The following MAGI2 variants were observed in gnomAD, a reference collection of about 807,000 sequenced individuals.
The protein encoded by MAGI2 is membrane-associated guanylate kinase, WW and PDZ domain-containing protein 2.
A neutral mutation model predicts 133.3 loss-of-function variants in MAGI2; 35 were observed. The ratio of observed to expected loss-of-function variants is 0.26; its 90% CI spans 0.20 to 0.35. MAGI2 has a LOEUF of 0.35. MAGI2 is among the 10% of genes least tolerant of loss of function. MAGI2 has a pLI of 1.00. For synonymous variants in MAGI2, 729 were observed against 710.6 expected (o/e 1.03, Z -0.41); for missense variants, 1,636 against 1,863.4 (o/e 0.88, Z 2.25).
chr7:78,710,380 T>G (rs1819065507), intron 2 of MAGI2, among the ~76,000 whole-genome samples: 1 of 152,142 alleles, frequency 6.6e-6, no homozygotes, highest in Admixed American at 6.6e-5. Context: ...CAAAGAACCC[T>G]ATGTTTGGGG....
At chr7:78,115,106 C>T (rs1168774177) in intron 20 of MAGI2, among the ~76,000 whole-genome samples, 9 of 152,164 alleles carry the variant, frequency 5.9e-5, no homozygotes, top group African/African-American at 2.2e-4. Context: ...GAGAATAAGA[C>T]TCCTGGAAGG....
chr7:78,839,088 T>C (rs1334484102), intron 2 of MAGI2, among the ~76,000 whole-genome samples: 1 of 151,338 alleles, frequency 6.6e-6, no homozygotes, highest in African/African-American at 2.4e-5. Flanking sequence ...TTAGTGAGGG[T>C]GGAATGGGAG....
intron 3 of MAGI2, among the ~76,000 whole-genome samples, chr7:78,599,162 A>C (rs1359998253): frequency 6.6e-6 from 1 of 152,176 alleles, no homozygotes; most frequent in Non-Finnish European, 1.5e-5. Context: ...ATTTTTAGAA[A>C]TTAACGAATC....
At chr7:79,307,605 T>G (rs1169034923) in intron 1 of MAGI2, among the ~76,000 whole-genome samples, 1 of 152,184 alleles carries the variant, frequency 6.6e-6, no homozygotes, top group Non-Finnish European at 1.5e-5. Context: ...TCACCTTTTT[T>G]GTCAGCAAAA....
intron 1 of MAGI2, among the ~76,000 whole-genome samples, chr7:79,365,888 A>AAAAAAAAC: frequency 6.7e-6 from 1 of 149,878 alleles, no homozygotes; most frequent in Non-Finnish European, 1.5e-5. Context: ...AAAAAAAAAA[A>AAAAAAAAC]AAGTAACAAA....
intron 21 of MAGI2, among the ~76,000 whole-genome samples, chr7:78,074,321 G>A (rs118151472): frequency 0.017 from 2,533 of 152,066 alleles, 34 homozygotes; most frequent in Non-Finnish European, 0.027. Context: ...CTTATCTCTC[G>A]GTCACAGATC....
At chr7:79,021,219 G>T (rs916801079) in intron 1 of MAGI2, among the ~76,000 whole-genome samples, 1 of 152,242 alleles carries the variant, frequency 6.6e-6, no homozygotes, top group Non-Finnish European at 1.5e-5. Context: ...TGCTAGGGCA[G>T]TGCAGAAGGG....
At chr7:78,076,132 A>G (rs1440858777) in intron 21 of MAGI2, among the ~76,000 whole-genome samples, 1 of 152,186 alleles carries the variant, frequency 6.6e-6, no homozygotes, top group Admixed American at 6.5e-5. Flanking sequence ...CAATATTGCT[A>G]CAGTTAACAA....
At chr7:78,369,057 A>C (rs536426225) in intron 7 of MAGI2, 99 bp downstream of exon 7, 92 of 764,708 alleles carry the variant, frequency 1.2e-4, no homozygotes, top group Non-Finnish European at 4.2e-5. Context: ...GATGAAAGGG[A>C]AATGAAGGGG....
chr7:79,219,057 T>C (rs564338279), intron 1 of MAGI2, among the ~76,000 whole-genome samples: 1 of 152,082 alleles, frequency 6.6e-6, no homozygotes, highest in East Asian at 1.9e-4. Flanking sequence ...ACATTACCAA[T>C]AGCATTTTCT....
At chr7:78,586,025 T>C (rs555380195) in intron 3 of MAGI2, among the ~76,000 whole-genome samples, 5 of 152,282 alleles carry the variant, frequency 3.3e-5, no homozygotes, top group African/African-American at 1.2e-4. Flanking sequence ...AGTAGACTCA[T>C]ATACTGGCTG....
chr7:78,369,270 G>C, intron 6 of MAGI2, 57 bp from the exon 7 acceptor site: 1 of 1,222,754 alleles, frequency 8.2e-7, no homozygotes, highest in South Asian at 1.3e-5. Context: ...CTAATAAAAA[G>C]TAATATAATT....
chr7:78,317,024 G>GCTTTA (rs60721994), intron 9 of MAGI2, among the ~76,000 whole-genome samples: 76,179 of 151,552 alleles, frequency 0.5, 21,180 homozygotes, highest in African/African-American at 0.75. Context: ...TGAATTATTT[G>GCTTTA]CTTATTTCCC....
At chr7:79,057,652 G>C (rs10485929) in intron 1 of MAGI2, among the ~76,000 whole-genome samples, 41,559 of 151,982 alleles carry the variant, frequency 0.27, 8,876 homozygotes, top group African/African-American at 0.6. Flanking sequence ...TCGGTCTTGA[G>C]GTATTTCAAT....
chr7:78,189,833 A>G (rs754915692), intron 12 of MAGI2, among the ~76,000 whole-genome samples: 20 of 152,238 alleles, frequency 1.3e-4, no homozygotes, highest in Non-Finnish European at 2.2e-4. Flanking sequence ...AGACTAGCTT[A>G]AAGAAAAGTG....
intron 7 of MAGI2, among the ~76,000 whole-genome samples, chr7:78,355,407 G>A (rs1791967615): frequency 6.6e-6 from 1 of 152,298 alleles, no homozygotes; most frequent in Admixed American, 6.5e-5. Context: ...ATGAATGTCA[G>A]CCTTGTAAAA....
At chr7:78,692,843 C>G (rs2190665) in intron 2 of MAGI2, among the ~76,000 whole-genome samples, 82,307 of 152,064 alleles carry the variant, frequency 0.54, 22,608 homozygotes, top group African/African-American at 0.61. Flanking sequence ...TACTGGAATG[C>G]ATAAGATTAA....
intron 1 of MAGI2, among the ~76,000 whole-genome samples, chr7:79,055,878 C>T (rs1435024603): frequency 6.6e-6 from 1 of 152,082 alleles, no homozygotes; most frequent in Non-Finnish European, 1.5e-5. Context: ...AAGTTACTGC[C>T]ACCTAATGAG....
At chr7:78,435,672 G>T (rs6943660) in intron 6 of MAGI2, among the ~76,000 whole-genome samples, 3,861 of 152,184 alleles carry the variant, frequency 0.025, 62 homozygotes, top group South Asian at 0.074. Flanking sequence ...AGGTCACAGA[G>T]AATCCCGAGA....
Sources: allele counts gnomAD v4.1 joint callset (sites outside exome capture counted in the v4.1 genomes callset), GRCh38; gene constraint gnomAD v4.1.1; transcripts MANE v1.5; gene names NCBI Gene and HGNC (gene_info 2026-07-23, HGNC 2026-07-21).